Variants in BABAM2 observed in about 807,000 individuals in gnomAD.
The protein encoded by BABAM2 is BRISC and BRCA1 A complex member 2, also known as BRISC and BRCA1-A complex member 2.
A neutral mutation model predicts 54.7 loss-of-function variants in BABAM2; 31 were observed. The ratio of observed to expected loss-of-function variants is 0.57; its 90% CI spans 0.43 to 0.77. BABAM2 has a LOEUF of 0.77. Among genes scored for constraint, BABAM2 ranks in the 30% least tolerant of loss-of-function variants. BABAM2 has a pLI of 0.00. For missense variants in BABAM2, 364 were observed against 455.8 expected (o/e 0.80, Z 1.83); for synonymous variants, 167 against 162.9 (o/e 1.03, Z -0.19).
intron 2 of BABAM2, among the ~76,000 whole-genome samples, chr2:27,902,309 C>T (rs762007170): frequency 3.3e-5 from 5 of 152,226 alleles, no homozygotes; most frequent in Non-Finnish European, 7.4e-5. Flanking sequence ...TAAGAATAAG[C>T]ACTGTTTTGT....
At chr2:27,905,352 T>C (rs1368024501) in intron 2 of BABAM2, among the ~76,000 whole-genome samples, 1 of 152,118 alleles carries the variant, frequency 6.6e-6, no homozygotes, top group Non-Finnish European at 1.5e-5. Context: ...TTTCAGTCAG[T>C]GAGGTCTGAG....
intron 3 of BABAM2, among the ~76,000 whole-genome samples, chr2:27,936,342 T>C (rs1668485196): frequency 6.6e-6 from 1 of 152,234 alleles, no homozygotes; most frequent in Non-Finnish European, 1.5e-5. Flanking sequence ...AGTTTTACAC[T>C]GTTGGTGGGA....
intron 4 of BABAM2, among the ~76,000 whole-genome samples, chr2:28,020,930 T>C (rs1167251686): frequency 7.1e-6 from 1 of 141,706 alleles, no homozygotes; most frequent in Non-Finnish European, 1.5e-5. Context: ...GAATAAACAT[T>C]TCTAAGACTC....
At chr2:28,106,886 A>G (rs960585609) in intron 6 of BABAM2, among the ~76,000 whole-genome samples, 2 of 152,182 alleles carry the variant, frequency 1.3e-5, no homozygotes, top group Non-Finnish European at 2.9e-5. Context: ...TTGATGCTCA[A>G]TATTACTTCT....
intron 7 of BABAM2, among the ~76,000 whole-genome samples, chr2:28,184,511 A>T (rs1182229718): frequency 8.0e-6 from 1 of 124,482 alleles, no homozygotes; most frequent in Non-Finnish European, 1.6e-5. Context: ...CCGGTATGTG[A>T]TGTTCCCCTT....
intron 7 of BABAM2, among the ~76,000 whole-genome samples, chr2:28,132,293 C>T (rs1056363350): frequency 6.6e-6 from 1 of 151,952 alleles, no homozygotes; most frequent in African/African-American, 2.4e-5. Context: ...CGCCCGCCAC[C>T]ACGCCCGGCT....
At chr2:28,165,897 A>G (rs969394069) in intron 7 of BABAM2, among the ~76,000 whole-genome samples, 9 of 152,182 alleles carry the variant, frequency 5.9e-5, no homozygotes, top group African/African-American at 1.9e-4. Context: ...CTCAAAATTC[A>G]TATGTTGAAG....
intron 3 of BABAM2, among the ~76,000 whole-genome samples, chr2:27,982,318 C>T (rs936816645): frequency 5.3e-5 from 8 of 152,010 alleles, no homozygotes; most frequent in African/African-American, 1.7e-4. Flanking sequence ...TCTAGATAGT[C>T]TCATTTGAAG....
intron 7 of BABAM2, among the ~76,000 whole-genome samples, chr2:28,201,964 T>C (rs1396484082): frequency 1.3e-5 from 2 of 152,148 alleles, no homozygotes; most frequent in East Asian, 3.9e-4. Context: ...TGGGAAATCA[T>C]ATGGGATGAG....
At chr2:28,117,810 A>G (rs997120958) in intron 6 of BABAM2, among the ~76,000 whole-genome samples, 2 of 152,196 alleles carry the variant, frequency 1.3e-5, no homozygotes, top group Admixed American at 6.5e-5. Context: ...TAGAAGAGAG[A>G]GAAGCTTCCT....
intron 5 of BABAM2, among the ~76,000 whole-genome samples, chr2:28,028,089 C>T (rs1184045385): frequency 6.6e-6 from 1 of 152,022 alleles, no homozygotes; most frequent in Non-Finnish European, 1.5e-5. Flanking sequence ...TCTCAAGGCT[C>T]GACTGGAGAT....
chr2:27,941,967 T>G (rs1387637829), intron 3 of BABAM2, among the ~76,000 whole-genome samples: 1 of 152,236 alleles, frequency 6.6e-6, no homozygotes. Flanking sequence ...TCTACTTTAA[T>G]GAATCTACCT....
At chr2:28,338,150 G>C (rs1029721401) in intron 11 of BABAM2, among the ~76,000 whole-genome samples, 5 of 152,188 alleles carry the variant, frequency 3.3e-5, no homozygotes, top group African/African-American at 1.2e-4. Flanking sequence ...CCAGGCCCTT[G>C]TCTTTGTCCT....
At chr2:28,217,351 T>C (rs1393855375) in intron 7 of BABAM2, among the ~76,000 whole-genome samples, 1 of 152,224 alleles carries the variant, frequency 6.6e-6, no homozygotes, top group Admixed American at 6.5e-5. Context: ...GCATTTTATG[T>C]GTGAGGAACA....
chr2:27,997,753 T>C (rs1174361333), intron 4 of BABAM2, among the ~76,000 whole-genome samples: 8 of 152,212 alleles, frequency 5.3e-5, no homozygotes, highest in African/African-American at 1.7e-4. Context: ...ATGGCAAATA[T>C]AACATTTAGC....
At chr2:27,925,552 C>T (rs924330237) in intron 2 of BABAM2, among the ~76,000 whole-genome samples, 10 of 152,132 alleles carry the variant, frequency 6.6e-5, no homozygotes, top group African/African-American at 2.4e-4. Flanking sequence ...AAACACAAGA[C>T]TCATCCACAT....
At chr2:28,234,240 A>G (rs182015887) in intron 7 of BABAM2, among the ~76,000 whole-genome samples, 1 of 152,170 alleles carries the variant, frequency 6.6e-6, no homozygotes, top group African/African-American at 2.4e-5. Flanking sequence ...ACCTCTTTGA[A>G]CTATGGAGAG....
chr2:28,314,318 A>C (rs1689332950), intron 11 of BABAM2, among the ~76,000 whole-genome samples: 1 of 152,204 alleles, frequency 6.6e-6, no homozygotes. Context: ...GGACGTATTC[A>C]AGGTCACAGA....
chr2:27,921,222 T>C (rs1037995502), intron 2 of BABAM2, among the ~76,000 whole-genome samples: 9 of 152,210 alleles, frequency 5.9e-5, no homozygotes, highest in Non-Finnish European at 1.3e-4. Flanking sequence ...CCCTCTCTTG[T>C]AGCCTTGATT....
Sources: allele counts gnomAD v4.1 joint callset (sites outside exome capture counted in the v4.1 genomes callset), GRCh38; gene constraint gnomAD v4.1.1; transcripts MANE v1.5; gene names NCBI Gene and HGNC (gene_info 2026-07-23, HGNC 2026-07-21).